The following RAD51B variants were observed in gnomAD, a reference collection of about 807,000 sequenced individuals.
RAD51B encodes the protein RAD51 paralog B.
RAD51B carries 38 observed loss-of-function variants against 42.2 expected under a neutral mutation model. The ratio of observed to expected loss-of-function variants is 0.90; its 90% CI spans 0.70 to 1.18. RAD51B has a LOEUF of 1.18. RAD51B is among the 50% of genes most tolerant of loss of function. RAD51B has a pLI of 0.00. For synonymous variants in RAD51B, 154 were observed against 145.2 expected, an observed-to-expected ratio of 1.06 and a Z score of -0.43; for missense variants, 373 against 400.7, an observed-to-expected ratio of 0.93 and a Z score of 0.59.
chr14:68,125,792 TAGTC>T, intron 7 of RAD51B, among the ~76,000 whole-genome samples: 1 of 152,182 alleles, frequency 6.6e-6, no homozygotes, highest in East Asian at 1.9e-4. Context: ...TTTGGATGAT[TAGTC>T]AGTTGATCTT....
intron 10 of RAD51B, among the ~76,000 whole-genome samples, chr14:68,573,372 G>GT (rs1889807344): frequency 6.6e-6 from 1 of 152,148 alleles, no homozygotes; most frequent in South Asian, 2.1e-4. Context: ...CCCTGCCTCG[G>GT]TGTCCCTGTA....
At chr14:68,340,361 C>A (rs1221480515) in intron 8 of RAD51B, among the ~76,000 whole-genome samples, 2 of 152,198 alleles carry the variant, frequency 1.3e-5, no homozygotes, top group Non-Finnish European at 2.9e-5. Context: ...AACAGCCAGC[C>A]TTTCTGTGCT....
At chr14:68,125,891 C>T (rs756954482) in intron 7 of RAD51B, among the ~76,000 whole-genome samples, 2 of 152,062 alleles carry the variant, frequency 1.3e-5, no homozygotes, top group Non-Finnish European at 2.9e-5. Flanking sequence ...CTCATGGTGT[C>T]ATTTAGAAAG....
intron 8 of RAD51B, among the ~76,000 whole-genome samples, chr14:68,360,104 T>C (rs2082992799): frequency 1.3e-5 from 2 of 152,236 alleles, no homozygotes; most frequent in Non-Finnish European, 1.5e-5. Context: ...TCTGAACTCC[T>C]GGTAGAGGCG....
chr14:67,985,019 G>A lies in RAD51B; in HGVS notation c.756+97815G>A, dbSNP rs541171865. Among the ~76,000 whole-genome samples, 8 of 152,228 alleles carry A rather than the reference G, an allele frequency of 5.3e-5. No homozygotes were observed. In the East Asian group the frequency reaches 1.2e-3, roughly 22 times the overall value. On this transcript the variant is annotated intron_variant, in intron 7 of 10. Coordinates refer to ENST00000471583, the MANE Select transcript of RAD51B (RefSeq NM_133510.4). The stretch of plus-strand genomic sequence containing the variant: ...CGATCTAATTGTCAGGTCTGTTTCC[G>A]CATTTGTAAAGTTAGGTCAAGGATT...
At chr14:67,929,244 T>G (rs2044640705) in intron 7 of RAD51B, among the ~76,000 whole-genome samples, 1 of 152,184 alleles carries the variant, frequency 6.6e-6, no homozygotes, top group Non-Finnish European at 1.5e-5. Flanking sequence ...AACTCCCCTC[T>G]TAACATACTT....
chr14:68,023,596 G>A (rs1267932671), intron 7 of RAD51B, among the ~76,000 whole-genome samples: 4 of 152,148 alleles, frequency 2.6e-5, no homozygotes, highest in Non-Finnish European at 5.9e-5. Context: ...CAAAGTGCCA[G>A]GATTACTGGT....
intron 7 of RAD51B, among the ~76,000 whole-genome samples, chr14:67,984,162 C>G (rs917747385): frequency 1.3e-5 from 2 of 152,236 alleles, no homozygotes; most frequent in Middle Eastern, 6.8e-3. Flanking sequence ...TGGTCTCGAT[C>G]TCTTGACCTC....
At chr14:68,134,571 G>A (rs1286942386) in intron 7 of RAD51B, among the ~76,000 whole-genome samples, 3 of 152,110 alleles carry the variant, frequency 2.0e-5, no homozygotes, top group Non-Finnish European at 4.4e-5. Flanking sequence ...AGCAGTGTAT[G>A]AGTGATCCAA....
intron 10 of RAD51B, among the ~76,000 whole-genome samples, chr14:68,487,630 T>G (rs1486892686): frequency 6.6e-6 from 1 of 152,106 alleles, no homozygotes; most frequent in Non-Finnish European, 1.5e-5. Flanking sequence ...TGCCTCAGCC[T>G]CCCGAGTAGC....
chr14:68,243,696 A>G (rs1157697827), intron 7 of RAD51B, among the ~76,000 whole-genome samples: 1 of 152,176 alleles, frequency 6.6e-6, no homozygotes, highest in African/African-American at 2.4e-5. Flanking sequence ...TGATGACTCA[A>G]ATAGGCTATA....
intron 10 of RAD51B, among the ~76,000 whole-genome samples, chr14:68,586,356 A>AT (rs1282612744): frequency 2.6e-5 from 4 of 151,822 alleles, no homozygotes; most frequent in Admixed American, 6.6e-5. Flanking sequence ...ACACACCTTT[A>AT]TTTTTTACCA....
intron 8 of RAD51B, among the ~76,000 whole-genome samples, chr14:68,326,611 A>C (rs1278941084): frequency 6.6e-6 from 1 of 152,220 alleles, no homozygotes; most frequent in Non-Finnish European, 1.5e-5. Flanking sequence ...AAACCTCCTT[A>C]TGCCTAGGCT....
intron 10 of RAD51B, chr14:68,540,593 G>A (rs1305380416): frequency 1.0e-6 from 1 of 985,272 alleles, no homozygotes; most frequent in Non-Finnish European, 1.2e-6. Context: ...TAGGTGCTGT[G>A]CAAGTATATA....
At chr14:67,855,990 T>C (rs1312544921) in intron 4 of RAD51B, among the ~76,000 whole-genome samples, 1 of 152,250 alleles carries the variant, frequency 6.6e-6, no homozygotes, top group Admixed American at 6.5e-5. Flanking sequence ...ATTCTTCACT[T>C]ACTCTCTAAT....
chr14:68,024,851 TG>T lies in RAD51B; in HGVS notation c.756+137648del, dbSNP rs2140357238. On this transcript the variant is annotated intron_variant, in intron 7 of 10. Transcript: ENST00000471583. ...CCTTTTTATTTATTTTTTATTTTTT[TG>T]CCTGATTGCTGTGGCTAGGATTTCC... 2.0e-5 allele frequency among the ~76,000 whole-genome samples: 3 copies of T among 152,240 alleles called. No homozygotes were observed. In the South Asian group the frequency reaches 6.2e-4, roughly 32 times the overall value.
At chr14:68,028,306 A>T (rs984963109) in intron 7 of RAD51B, among the ~76,000 whole-genome samples, 11 of 152,082 alleles carry the variant, frequency 7.2e-5, no homozygotes, top group African/African-American at 2.7e-4. Flanking sequence ...GATCACTGTT[A>T]CCATGCCTGC....
At chr14:68,099,924 C>G (rs150732096) in intron 7 of RAD51B, among the ~76,000 whole-genome samples, 17 of 152,284 alleles carry the variant, frequency 1.1e-4, no homozygotes, top group Admixed American at 4.6e-4. Flanking sequence ...GGTGGCAGCT[C>G]ACTTGACAGG....
At chr14:68,460,898 A>C (rs1475116475) in intron 9 of RAD51B, among the ~76,000 whole-genome samples, 1 of 152,188 alleles carries the variant, frequency 6.6e-6, no homozygotes, top group Non-Finnish European at 1.5e-5. Flanking sequence ...TAAGTCCTAA[A>C]AATGGATATG....
Sources: allele counts gnomAD v4.1 joint callset (sites outside exome capture counted in the v4.1 genomes callset), GRCh38; gene constraint gnomAD v4.1.1; transcripts MANE v1.5; gene names NCBI Gene and HGNC (gene_info 2026-07-23, HGNC 2026-07-21).